Variants in ASPM observed in about 807,000 individuals in gnomAD.
The protein encoded by ASPM is abnormal spindle-like microcephaly-associated protein.
A neutral mutation model predicts 366.4 loss-of-function variants in ASPM; 256 were observed. That is an observed-to-expected ratio of 0.70 (90% CI 0.63 to 0.77). ASPM has a LOEUF of 0.77. Among genes scored for constraint, ASPM ranks in the 30% least tolerant of loss-of-function variants. ASPM has a pLI of 0.00. For missense variants in ASPM, 4,146 were observed against 4,090.4 expected (o/e 1.01, Z -0.37); for synonymous variants, 1,414 against 1,342.9 (o/e 1.05, Z -1.16).
At chr1:197,116,083 G>C (rs1657729348) in intron 17 of ASPM, among the ~76,000 whole-genome samples, 1 of 152,154 alleles carries the variant, frequency 6.6e-6, no homozygotes, top group Non-Finnish European at 1.5e-5. Flanking sequence ...TTTTATTAAT[G>C]ATCTTAGCTA....
At chr1:197,127,425 C>T (rs779642233) in intron 10 of ASPM, among the ~76,000 whole-genome samples, 3 of 152,156 alleles carry the variant, frequency 2.0e-5, no homozygotes, top group East Asian at 1.9e-4. Flanking sequence ...ATTTAACTAG[C>T]TGTTTTGAGG....
chr1:197,132,893 T>A (rs1312443672), intron 6 of ASPM, among the ~76,000 whole-genome samples: 1 of 152,106 alleles, frequency 6.6e-6, no homozygotes, highest in Non-Finnish European at 1.5e-5. Context: ...ACAAATACTG[T>A]ATGATCTCAT....
chr1:197,096,763 A>G (rs1283802585), intron 18 of ASPM, among the ~76,000 whole-genome samples: 3 of 151,766 alleles, frequency 2.0e-5, no homozygotes, highest in African/African-American at 4.8e-5. Context: ...TATTATCTCT[A>G]ATTTAGAGAT....
chr1:197,106,931 G>A (rs1397433626), intron 17 of ASPM, among the ~76,000 whole-genome samples: 1 of 152,066 alleles, frequency 6.6e-6, no homozygotes, highest in African/African-American at 2.4e-5. Flanking sequence ...CAGGTTGAGT[G>A]CATTAACAGC....
At chr1:197,099,047 T>A (rs1657072185) in intron 18 of ASPM, among the ~76,000 whole-genome samples, 1 of 151,594 alleles carries the variant, frequency 6.6e-6, no homozygotes, top group Non-Finnish European at 1.5e-5. Context: ...ACTTAAGCCA[T>A]CAACATGGCT....
At chr1:197,117,714 C>T in intron 17 of ASPM, 75 bp downstream of exon 17, 1 of 1,253,092 alleles carries the variant, frequency 8.0e-7, no homozygotes, top group African/African-American at 1.5e-5. Context: ...TTGAAAACTT[C>T]ATCACATTTT....
At position 197,100,477 on chromosome 1, in the gene ASPM, T is replaced by C. The variant is rs899196466; in HGVS notation, c.8774A>G (p.Gln2925Arg). ...TTTAATTTCCTGAAACTTCCGTTTC[T>C]GTATAAATCCTTTACTTCTAGCTTG... ...IIQARSKGFI[Q>R]KRKFQEIKNS... The change falls in exon 18 of 28, where the codon CAG becomes CGG. Residue 2925 changes from glutamine (Q) to arginine (R), a missense_variant. This residue lies in a region of ASPM where 3,624 missense variants were observed against 3,591.7 expected (regional missense o/e 1.01). Coordinates refer to ENST00000367409, the MANE Select transcript of ASPM (RefSeq NM_018136.5). The C allele has an allele frequency of 1.3e-6, 2 of 1,582,120 alleles. No homozygotes were observed. The highest frequency in any genetic ancestry group is 1.7e-6 in the Non-Finnish European group (2 of 1,164,126).
chr1:197,093,345 G>A, intron 20 of ASPM, 84 bp from the exon 21 acceptor site: 1 of 1,035,898 alleles, frequency 9.7e-7, no homozygotes, highest in Non-Finnish European at 1.5e-6. Context: ...ATTTCTCAAT[G>A]AGATGGCATA....
rs1199509120 is a variant in ASPM at position 197,104,133 on chromosome 1, T to G, written c.5118A>C (p.Leu1706=). ...KQYLHLRAAA[L]FIQQCYRSKK... ...TGGAACGGTAACATTGCTGGATAAA[T>G]AGTGCAGCTGCTCTTAAATGCAAAT... is the stretch of plus-strand genomic sequence containing the variant. The change falls in exon 18 of 28, where the codon CTA becomes CTC. Residue 1706 remains leucine (L), a synonymous_variant. Coordinates refer to ENST00000367409, the MANE Select transcript of ASPM (RefSeq NM_018136.5). 2 of 1,612,950 alleles carry G rather than the reference T, an allele frequency of 1.2e-6. No homozygotes were observed. Among genetic ancestry groups the G allele is most frequent in the East Asian group, 4.5e-5 (2 of 44,826 alleles).
rs1458939408 is a variant in ASPM, at chr1:197,146,411, G to A, written c.27C>T (p.Gly9=). MANRRVGR[G]CWEVSPTERR... is the part of the protein sequence containing the mutation. ...GCTCGGTCGGGCTCACTTCCCAGCA[G>A]CCTCGCCCCACTCGCCGGTTCGCCA... Residue 9 remains glycine, a synonymous_variant, in exon 1 of 28, where the codon GGC becomes GGT. Coordinates refer to ENST00000367409, the MANE Select transcript of ASPM (RefSeq NM_018136.5). 6.2e-7 allele frequency: 1 copy of A among 1,609,310 alleles called. No individual in the cohort carries two copies.
intron 16 of ASPM, 151 bp from the exon 17 acceptor site, chr1:197,118,134 TA>T (rs1657797924): frequency 3.9e-6 from 3 of 767,962 alleles, no homozygotes; most frequent in Non-Finnish European, 6.4e-6. Flanking sequence ...GGAATACTGA[TA>T]ATTCCAGGCA....
chr1:197,100,321 C>T (rs1571596581), intron 18 of ASPM, 110 bp downstream of exon 18: 2 of 782,120 alleles, frequency 2.6e-6, no homozygotes, highest in East Asian at 2.8e-5. Flanking sequence ...ATGGTCACCT[C>T]AACTAAGTAC....
chr1:197,125,919 C>T (rs1658077764), intron 10 of ASPM, among the ~76,000 whole-genome samples: 1 of 152,126 alleles, frequency 6.6e-6, no homozygotes, highest in East Asian at 1.9e-4. Flanking sequence ...GCCAACCATC[C>T]AGTCAATTGT....
chr1:197,130,452 T>C (rs767155765), intron 7 of ASPM, among the ~76,000 whole-genome samples: 21 of 152,214 alleles, frequency 1.4e-4, no homozygotes, highest in Non-Finnish European at 2.6e-4. Flanking sequence ...TAGTTATCAA[T>C]GTAGAAAACA....
chr1:197,140,183 T>C (rs923705218), intron 3 of ASPM, among the ~76,000 whole-genome samples: 1 of 152,212 alleles, frequency 6.6e-6, no homozygotes, highest in Non-Finnish European at 1.5e-5. Context: ...TTGAAAAATA[T>C]GGTCTCAGCC....
At chr1:197,129,522 C>T (rs1658197335) in intron 8 of ASPM, among the ~76,000 whole-genome samples, 1 of 152,018 alleles carries the variant, frequency 6.6e-6, no homozygotes, top group African/African-American at 2.4e-5. Context: ...CAAGTATGCA[C>T]CACTTAATAT....
At chr1:197,138,796 C>A (rs1658495427) in intron 4 of ASPM, 1 of 747,514 alleles carries the variant, frequency 1.3e-6, no homozygotes, top group Non-Finnish European at 2.4e-6. Flanking sequence ...TCAGCTGAGT[C>A]TGCAGTGCCT....
intron 8 of ASPM, among the ~76,000 whole-genome samples, 155 bp downstream of exon 8, chr1:197,129,760 G>C (rs374501222): frequency 6.6e-6 from 1 of 152,244 alleles, no homozygotes; most frequent in African/African-American, 2.4e-5. Flanking sequence ...AGGAATTAAC[G>C]GGGAATGAGG....
intron 13 of ASPM, among the ~76,000 whole-genome samples, chr1:197,122,969 G>C (rs1657966599): frequency 1.3e-5 from 2 of 152,080 alleles, no homozygotes; most frequent in African/African-American, 4.8e-5. Flanking sequence ...CCATTGCATA[G>C]AGGAGAAATA....
Sources: allele counts gnomAD v4.1 joint callset (sites outside exome capture counted in the v4.1 genomes callset), GRCh38; gene constraint gnomAD v4.1.1; regional missense constraint gnomAD v4.1.1; transcripts MANE v1.5; gene names NCBI Gene and HGNC (gene_info 2026-07-23, HGNC 2026-07-21).